ITGB5: variants seen among roughly 807,000 people sequenced by gnomAD.
The protein encoded by ITGB5 is integrin subunit beta 5.
ITGB5 carries 38 observed loss-of-function variants against 84.8 expected under a neutral mutation model. That is an observed-to-expected ratio of 0.45 (90% confidence interval 0.35 to 0.59). ITGB5 has a LOEUF of 0.59. Ranked by LOEUF, ITGB5 falls within the 20% of genes least tolerant of loss-of-function variation. The pLI, the probability that ITGB5 is intolerant of heterozygous loss-of-function variation, is 0.01. For missense variants in ITGB5, 905 were observed against 1,034.5 expected, an observed-to-expected ratio of 0.87 and a Z score of 1.72; for synonymous variants, 393 against 414.4, an observed-to-expected ratio of 0.95 and a Z score of 0.63.
rs2064626788 is a variant in ITGB5 at position 124,817,717 on chromosome 3, A to C, written c.1039-7T>G. 6.6e-7 allele frequency: 1 copy of C among 1,516,250 alleles called. No homozygotes were observed. The highest frequency in any genetic ancestry group is 1.4e-5 in the African/African-American group (1 of 71,984). 93.9% of individuals were successfully genotyped at this position (1,516,250 alleles called of 1,614,324 possible). ...GTATCAGGGCTGTAAAATTCTTGGG[A>C]AAAAAAGTAAAGAAAAGAAATAAGT... On this transcript the variant is annotated splice_region_variant and splice_polypyrimidine_tract_variant and intron_variant, in intron 7 of 14. Coordinates refer to ENST00000296181, the MANE Select transcript of ITGB5 (RefSeq NM_002213.5).
chr3:124,859,166 C>A, intron 3 of ITGB5, 76 bp downstream of exon 3: 1 of 1,385,298 alleles, frequency 7.2e-7, no homozygotes, highest in East Asian at 2.3e-5. Context: ...CTCATTGTCC[C>A]ATTATTAACA....
In ITGB5 at chr3:124,899,078, AAAAAAAAGAAAAG is replaced by A. The variant is rs1406769227; in HGVS notation, c.-255+2175_-255+2187del. ...TGATAAGAGTGAGACTCTGTCTCAAAAAAAAAAGAAAAGAAAAAAAAGAAAAGAAGAAAAAAGA... is the reference window on the plus strand; with the variant it reads ...TGATAAGAGTGAGACTCTGTCTCAAAAAAAAAAAGAAAAGAAGAAAAAAGA... On this transcript the variant is annotated intron_variant, in intron 1 of 4. Transcript: ENST00000608657. 2.9e-3 allele frequency among the ~76,000 whole-genome samples: 312 copies of A among 106,802 alleles called. 1 individual carries two copies. Among genetic ancestry groups the A allele is most frequent in the Non-Finnish European group, 5.8e-3 (246 of 42,582 alleles). The allele number at this position is 106,802 out of a possible 152,430, so 70.1% of individuals were successfully genotyped here.
chr3:124,836,692 T>C (rs990725915), intron 5 of ITGB5, among the ~76,000 whole-genome samples: 11 of 152,134 alleles, frequency 7.2e-5, no homozygotes, highest in African/African-American at 2.7e-4. Context: ...CCTACCAATA[T>C]ACTGTAGGAT....
At chr3:124,789,065 T>C (rs562889780) in intron 10 of ITGB5, among the ~76,000 whole-genome samples, 21 of 152,320 alleles carry the variant, frequency 1.4e-4, no homozygotes, top group South Asian at 8.3e-4. Context: ...TGGAGACCTC[T>C]GTCATGGAAG....
intron 7 of ITGB5, among the ~76,000 whole-genome samples, chr3:124,818,135 A>T (rs556058932): frequency 5.3e-5 from 8 of 152,240 alleles, no homozygotes; most frequent in South Asian, 2.1e-4. Flanking sequence ...AGGCGTGAAA[A>T]GGGCAACTTT....
intron 5 of ITGB5, among the ~76,000 whole-genome samples, chr3:124,839,416 T>G (rs1016502007): frequency 1.3e-5 from 2 of 152,220 alleles, no homozygotes; most frequent in Non-Finnish European, 2.9e-5. Context: ...CTGGATCAAA[T>G]GGCTTCTCAA....
intron 3 of ITGB5, among the ~76,000 whole-genome samples, chr3:124,854,874 C>T (rs1212097232): frequency 6.6e-6 from 1 of 152,190 alleles, no homozygotes; most frequent in Non-Finnish European, 1.5e-5. Flanking sequence ...ACTTTGCCTT[C>T]ATGAAGTGTC....
chr3:124,847,027 A>T (rs1467326805), intron 4 of ITGB5, among the ~76,000 whole-genome samples: 1 of 152,244 alleles, frequency 6.6e-6, no homozygotes, highest in East Asian at 1.9e-4. Context: ...TGGGTAAGTT[A>T]TTCTCTCTAG....
At chr3:124,883,040 G>A (rs764972065) in intron 1 of ITGB5, among the ~76,000 whole-genome samples, 4 of 152,238 alleles carry the variant, frequency 2.6e-5, no homozygotes, top group Admixed American at 2.6e-4. Context: ...AACAAACCAC[G>A]GCAGTCAGTT....
intron 2 of ITGB5, among the ~76,000 whole-genome samples, chr3:124,866,775 G>A (rs1257821280): frequency 6.6e-6 from 1 of 152,184 alleles, no homozygotes; most frequent in Non-Finnish European, 1.5e-5. Context: ...GATTTGAGGG[G>A]AAGGTAGCTG....
intron 11 of ITGB5, chr3:124,769,734 C>T: frequency 6.6e-6 from 1 of 152,496 alleles, no homozygotes; most frequent in Non-Finnish European, 1.5e-5. Context: ...TTCTCCCTCT[C>T]AGATAGAGCC....
chr3:124,764,542 G>T lies in ITGB5; in HGVS notation c.2153C>A (p.Pro718His), dbSNP rs367764630. 1.4e-5 allele frequency: 23 copies of T among 1,612,186 alleles called. No individual in the cohort carries two copies. Among genetic ancestry groups the T allele is most frequent in the Non-Finnish European group, 1.7e-5 (20 of 1,178,590 alleles). ...VLREPECGNT[P>H]NAMTILLAVV... is the part of the protein sequence containing the mutation. ...AGCCAGGAGGATGGTCATGGCGTTG[G>T]GGGTGTTTCCACACTCTGGGGGGAC... is the stretch of plus-strand genomic sequence containing the variant. Residue 718 changes from proline (P) to histidine (H), a missense_variant, in exon 14 of 15, where the codon CCC (proline) becomes CAC (histidine). By Grantham distance (77) the Pro-to-His change is moderately conservative. Transcript: ENST00000296181.
At chr3:124,860,320 T>C (rs2065278346) in intron 2 of ITGB5, among the ~76,000 whole-genome samples, 1 of 152,142 alleles carries the variant, frequency 6.6e-6, no homozygotes, top group Non-Finnish European at 1.5e-5. Context: ...ATTTAAAATA[T>C]TTACACTAAG....
At chr3:124,844,631 G>T (rs1429653902) in intron 4 of ITGB5, among the ~76,000 whole-genome samples, 1 of 152,208 alleles carries the variant, frequency 6.6e-6, no homozygotes, top group African/African-American at 2.4e-5. Context: ...CTTGACTGAG[G>T]CCCTACAGGC....
chr3:124,852,252 C>T (rs1422863516), intron 3 of ITGB5, among the ~76,000 whole-genome samples: 2 of 152,124 alleles, frequency 1.3e-5, no homozygotes, highest in Non-Finnish European at 2.9e-5. Flanking sequence ...CTGCTCCTTC[C>T]CTCTCCACTT....
At chr3:124,830,513 G>A (rs2107577279) in intron 5 of ITGB5, among the ~76,000 whole-genome samples, 1 of 152,334 alleles carries the variant, frequency 6.6e-6, no homozygotes. Flanking sequence ...AGCACCAATG[G>A]ATGACTGTGT....
chr3:124,793,904 C>G (rs1368967274), intron 10 of ITGB5, among the ~76,000 whole-genome samples: 1 of 152,372 alleles, frequency 6.6e-6, no homozygotes, highest in Non-Finnish European at 1.5e-5. Context: ...TCCCACGACG[C>G]CCATGGGTGT....
intron 1 of ITGB5, among the ~76,000 whole-genome samples, chr3:124,896,686 A>G (rs1484430527): frequency 8.7e-5 from 13 of 148,752 alleles, no homozygotes; most frequent in Non-Finnish European, 3.0e-5. Flanking sequence ...TCGAGGTTAT[A>G]GTGAGCTATG....
chr3:124,828,146 A>G (rs1378528404), intron 5 of ITGB5, among the ~76,000 whole-genome samples: 1 of 152,190 alleles, frequency 6.6e-6, no homozygotes, highest in African/African-American at 2.4e-5. Flanking sequence ...GTTTCTTAAA[A>G]AGTTAAAGAC....
Sources: allele counts gnomAD v4.1 joint callset (sites outside exome capture counted in the v4.1 genomes callset), GRCh38; gene constraint gnomAD v4.1.1; transcripts MANE v1.5; gene names NCBI Gene and HGNC (gene_info 2026-07-23, HGNC 2026-07-21).